The following DOCK2 variants were observed in gnomAD, a reference collection of about 807,000 sequenced individuals.
The protein encoded by DOCK2 is dedicator of cytokinesis protein 2.
A neutral mutation model predicts 248.9 loss-of-function variants in DOCK2; 87 were observed. The ratio of observed to expected loss-of-function variants is 0.35; its 90% CI spans 0.29 to 0.42. The LOEUF (loss-of-function observed/expected upper bound fraction) is 0.42. DOCK2 is among the 10% of genes least tolerant of loss of function. The pLI is 1.00. For missense variants in DOCK2, 1,747 were observed against 2,300.2 expected (o/e 0.76, Z 4.92); for synonymous variants, 805 against 821.6 (o/e 0.98, Z 0.35).
At chr5:169,790,072 A>T (rs1200311552) in intron 25 of DOCK2, among the ~76,000 whole-genome samples, 4 of 152,204 alleles carry the variant, frequency 2.6e-5, no homozygotes, top group African/African-American at 9.7e-5. Context: ...GGAAGAGGAG[A>T]ATCAGATGAT....
chr5:169,737,347 G>A (rs1276171651), intron 22 of DOCK2, among the ~76,000 whole-genome samples: 1 of 152,122 alleles, frequency 6.6e-6, no homozygotes, highest in Admixed American at 6.6e-5. Flanking sequence ...GGAAGGGGTG[G>A]CTCTTGAAGA....
At chr5:169,675,267 A>G (rs968670968) in intron 6 of DOCK2, among the ~76,000 whole-genome samples, 12 of 152,158 alleles carry the variant, frequency 7.9e-5, no homozygotes, top group African/African-American at 2.9e-4. Context: ...CCAGGGCCTC[A>G]CCACTCTGCT....
rs1758097963 is a variant in DOCK2 at position 170,083,278 on chromosome 5, C to T, written c.*420C>T. 1 of 156,666 alleles carries T rather than the reference C, an allele frequency of 6.4e-6. No individual in the cohort carries two copies. The highest frequency in any genetic ancestry group is 2.4e-5 in the African/African-American group (1 of 41,574). 9.7% of individuals were successfully genotyped at this position (156,666 alleles called of 1,614,324 possible). A position where few individuals can be genotyped will look rare whatever the true frequency, so the allele number is the denominator to read the frequency against. On this transcript the variant is annotated 3_prime_UTR_variant, in exon 52 of 52. Coordinates refer to ENST00000520908, the MANE Select transcript of DOCK2 (RefSeq NM_004946.3). The stretch of plus-strand genomic sequence containing the variant: ...TTTATTTTAGATTAACAGTTTTGTA[C>T]TTTACATTTTTTTATACAACCAACC...
intron 27 of DOCK2, among the ~76,000 whole-genome samples, chr5:169,857,997 G>C (rs942882813): frequency 2.6e-5 from 4 of 152,140 alleles, no homozygotes; most frequent in African/African-American, 9.7e-5. Context: ...TTTATGTATA[G>C]ATTTATACCA....
intron 22 of DOCK2, among the ~76,000 whole-genome samples, chr5:169,745,872 C>T (rs531187315): frequency 9.2e-5 from 14 of 152,238 alleles, no homozygotes; most frequent in Admixed American, 1.3e-4. Flanking sequence ...AACAAGAAGG[C>T]TCAGGAGTGA....
chr5:169,741,965 C>T (rs1039969360), intron 22 of DOCK2, among the ~76,000 whole-genome samples: 33 of 151,928 alleles, frequency 2.2e-4, no homozygotes, highest in African/African-American at 8.0e-4. Flanking sequence ...GCCCACCACC[C>T]TGCCCAGCTA....
At chr5:169,935,604 C>G (rs1055128864) in intron 27 of DOCK2, among the ~76,000 whole-genome samples, 15 of 152,320 alleles carry the variant, frequency 9.8e-5, no homozygotes, top group Admixed American at 3.3e-4. Context: ...TTATCACGTC[C>G]TACCTACTTT....
At chr5:169,997,650 G>A (rs995384524) in intron 30 of DOCK2, among the ~76,000 whole-genome samples, 6 of 149,724 alleles carry the variant, frequency 4.0e-5, no homozygotes, top group African/African-American at 7.5e-5. Flanking sequence ...ATCTTGCACC[G>A]CCCTTAATCC....
At chr5:169,931,592 T>C (rs754099602) in intron 27 of DOCK2, among the ~76,000 whole-genome samples, 3 of 152,388 alleles carry the variant, frequency 2.0e-5, no homozygotes, top group East Asian at 1.9e-4. Flanking sequence ...ACTTATTCGC[T>C]GTTTGACTTT....
At position 169,739,602 on chromosome 5, in the gene DOCK2, A is replaced by G. The variant is rs149223923; in HGVS notation, c.2268-7794A>G. 2.6e-4 allele frequency among the ~76,000 whole-genome samples: 40 copies of G among 152,364 alleles called. No homozygotes were observed. In the East Asian group the frequency reaches 7.3e-3, roughly 28 times the overall value. On this transcript the variant is annotated intron_variant, in intron 22 of 51. Coordinates refer to ENST00000520908, the MANE Select transcript of DOCK2 (RefSeq NM_004946.3). The stretch of plus-strand genomic sequence containing the variant: ...TAGCTAAATTATCAATTTAATGTAC[A>G]GATTTGCAGATTTTATTAGCTTTGC...
intron 6 of DOCK2, among the ~76,000 whole-genome samples, chr5:169,680,910 AT>A (rs757589952): frequency 6.6e-6 from 1 of 151,862 alleles, no homozygotes; most frequent in African/African-American, 2.4e-5. Context: ...TATCTGGCCT[AT>A]TTTTTGTTTA....
At chr5:169,923,073 C>G (rs1474049234) in intron 27 of DOCK2, among the ~76,000 whole-genome samples, 1 of 152,206 alleles carries the variant, frequency 6.6e-6, no homozygotes, top group Non-Finnish European at 1.5e-5. Context: ...CTGGGGGACA[C>G]AGAGCCACCA....
intron 27 of DOCK2, among the ~76,000 whole-genome samples, chr5:169,889,514 G>A (rs1773165090): frequency 6.6e-6 from 1 of 152,218 alleles, no homozygotes; most frequent in Non-Finnish European, 1.5e-5. Context: ...CAGGGTAGGG[G>A]AAGACTTAGA....
rs1762459851 is a variant in DOCK2, at chr5:169,726,096, TG to T, written c.2267+7306del. Among the ~76,000 whole-genome samples, 2 of 152,202 alleles carry T rather than the reference TG, an allele frequency of 1.3e-5. 1 individual carries two copies. Among genetic ancestry groups the T allele is most frequent in the South Asian group, 4.1e-4 (2 of 4,826 alleles). On this transcript the variant is annotated intron_variant, in intron 22 of 51. Transcript: ENST00000520908. ...GGAATCGCCACACTGTCTTCCACAA[TG>T]ATTGAACTAATTTACACTCCCACCA...
intron 25 of DOCK2, among the ~76,000 whole-genome samples, chr5:169,791,825 G>A (rs920166141): frequency 2.0e-5 from 3 of 152,112 alleles, no homozygotes; most frequent in Non-Finnish European, 2.9e-5. Flanking sequence ...TGATGCCTAG[G>A]ATCTAGCAGG....
intron 25 of DOCK2, among the ~76,000 whole-genome samples, chr5:169,762,482 A>G (rs916988832): frequency 5.9e-5 from 9 of 152,202 alleles, no homozygotes; most frequent in Admixed American, 1.3e-4. Context: ...AGAGTTCCCT[A>G]TTTTCAAGGT....
At chr5:169,953,356 A>G (rs1392647305) in intron 27 of DOCK2, among the ~76,000 whole-genome samples, 5 of 149,084 alleles carry the variant, frequency 3.4e-5, no homozygotes, top group Admixed American at 2.0e-4. Flanking sequence ...AAAGAGAGAG[A>G]GAGAGTTTGG....
rs1561708787 is a variant in DOCK2, at chr5:169,800,966, T to TTTTTTTTTG, written c.2555-2085_2555-2084insTGTTTTTTT. ...TTTCTTTTTTTTTTTTTTTTTTTTT[T>TTTTTTTTTG]TTTTTTTGAGATGGAGTCTAGCTCT... On this transcript the variant is annotated intron_variant, in intron 25 of 51. Transcript: ENST00000520908. Among the ~76,000 whole-genome samples, 88 of 107,918 alleles carry TTTTTTTTTG rather than the reference T, an allele frequency of 8.2e-4. 1 individual carries two copies. Among genetic ancestry groups the TTTTTTTTTG allele is most frequent in the African/African-American group, 3.0e-3 (86 of 28,254 alleles). The allele number at this position is 107,918 out of a possible 152,430, so 70.8% of individuals were successfully genotyped here.
chr5:169,866,385 T>A (rs1047339245), intron 27 of DOCK2, among the ~76,000 whole-genome samples: 21 of 152,212 alleles, frequency 1.4e-4, no homozygotes, highest in Non-Finnish European at 2.2e-4. Flanking sequence ...GGGAAGTCAT[T>A]TCCCACTTCC....
Sources: allele counts gnomAD v4.1 joint callset (sites outside exome capture counted in the v4.1 genomes callset), GRCh38; gene constraint gnomAD v4.1.1; transcripts MANE v1.5; gene names NCBI Gene and HGNC (gene_info 2026-07-23, HGNC 2026-07-21).